The following ATG5 variants were observed in gnomAD, a reference collection of about 807,000 sequenced individuals.
ATG5 encodes autophagy protein 5.
In ATG5, 14 loss-of-function variants were observed where a neutral mutation model predicts 36.5. The ratio of observed to expected loss-of-function variants is 0.38; its 90% confidence interval spans 0.25 to 0.60. The LOEUF (loss-of-function observed/expected upper bound fraction) is 0.60. Ranked by LOEUF, ATG5 falls within the 20% of genes least tolerant of loss-of-function variation. ATG5 has a pLI of 0.60. For synonymous variants in ATG5, 95 were observed against 101.5 expected (o/e 0.94, Z 0.38); for missense variants, 195 against 326.7 (o/e 0.60, Z 3.11).
intron 6 of ATG5, among the ~76,000 whole-genome samples, chr6:106,242,292 T>C (rs1002866844): frequency 3.3e-5 from 5 of 152,084 alleles, no homozygotes; most frequent in Non-Finnish European, 5.9e-5. Context: ...AAAAAGGACA[T>C]TCTGACACAT....
chr6:106,283,898 A>G (rs1014570590), intron 4 of ATG5, among the ~76,000 whole-genome samples: 1 of 152,240 alleles, frequency 6.6e-6, no homozygotes, highest in African/African-American at 2.4e-5. Context: ...TTATTGGCAC[A>G]AAGTTATTTA....
At chr6:106,322,798 A>T (rs1295742729) in intron 1 of ATG5, among the ~76,000 whole-genome samples, 1 of 152,218 alleles carries the variant, frequency 6.6e-6, no homozygotes, top group Non-Finnish European at 1.5e-5. Flanking sequence ...TCTTCTGTCC[A>T]GACTTCTCTT....
rs1394101119 is a variant in ATG5 at position 106,246,399 on chromosome 6, C to T, written c.573+1751G>A. ...TCTCTCTCTCTCTCTCTCTCACACA[C>T]ACACACACACACACACACACACACA... On this transcript the variant is annotated intron_variant, in intron 6 of 7. Coordinates refer to ENST00000369076, the MANE Select transcript of ATG5 (RefSeq NM_004849.4). Among the ~76,000 whole-genome samples the T allele has an allele frequency of 4.2e-5, 4 of 94,260 alleles. No individual in the cohort carries two copies. The East Asian group carries it at 1.3e-3, about 29-fold the overall frequency. The allele number at this position is 94,260 out of a possible 152,430, so 61.8% of individuals were successfully genotyped here. A position where few individuals can be genotyped will look rare whatever the true frequency, so the allele number is the denominator to read the frequency against.
At chr6:106,215,773 A>G (rs1777013443) in intron 6 of ATG5, among the ~76,000 whole-genome samples, 1 of 152,196 alleles carries the variant, frequency 6.6e-6, no homozygotes, top group South Asian at 2.1e-4. Flanking sequence ...GGACTTCATC[A>G]AAGTTAAAAA....
At chr6:106,248,120 A>C (rs945265694) in intron 6 of ATG5, 30 bp downstream of exon 6, 22 of 1,509,076 alleles carry the variant, frequency 1.5e-5, no homozygotes, top group Non-Finnish European at 2.0e-5. Flanking sequence ...GCTTTCATAA[A>C]TGGATGTTTT....
intron 1 of ATG5, among the ~76,000 whole-genome samples, chr6:106,324,974 A>G (rs1412927165): frequency 1.3e-5 from 2 of 152,190 alleles, no homozygotes; most frequent in Non-Finnish European, 2.9e-5. Context: ...CTCACCCCTC[A>G]GAAAAATCTA....
chr6:106,277,918 C>G (rs2114597032), intron 5 of ATG5, among the ~76,000 whole-genome samples: 1 of 152,250 alleles, frequency 6.6e-6, no homozygotes, highest in South Asian at 2.1e-4. Flanking sequence ...ATTAGAAACA[C>G]TGAGAACTGT....
chr6:106,312,824 T>C (rs970062666), intron 2 of ATG5, among the ~76,000 whole-genome samples: 5 of 152,100 alleles, frequency 3.3e-5, no homozygotes, highest in Non-Finnish European at 7.4e-5. Context: ...AAAATACCAT[T>C]AGTGACTTTG....
intron 3 of ATG5, among the ~76,000 whole-genome samples, chr6:106,304,944 T>G (rs1056939150): frequency 6.6e-6 from 1 of 152,004 alleles, no homozygotes; most frequent in African/African-American, 2.4e-5. Context: ...ATACAAAAAT[T>G]AGCTGGCGTG....
intron 2 of ATG5, among the ~76,000 whole-genome samples, chr6:106,315,191 T>A (rs1449014139): frequency 6.6e-6 from 1 of 152,208 alleles, no homozygotes; most frequent in African/African-American, 2.4e-5. Flanking sequence ...CAGCACTGCC[T>A]CTCAGAGAGA....
intron 3 of ATG5, among the ~76,000 whole-genome samples, chr6:106,304,590 C>T (rs1044499272): frequency 6.6e-6 from 1 of 152,130 alleles, no homozygotes. Flanking sequence ...CTACATACTA[C>T]ATGAGCCCAT....
At chr6:106,276,997 A>G (rs1347263035) in intron 5 of ATG5, among the ~76,000 whole-genome samples, 8 of 152,198 alleles carry the variant, frequency 5.3e-5, no homozygotes, top group Non-Finnish European at 7.3e-5. Context: ...AGATGTATAA[A>G]TATGAAACTA....
chr6:106,231,366 T>G (rs1319899915), intron 6 of ATG5, among the ~76,000 whole-genome samples: 1 of 152,096 alleles, frequency 6.6e-6, no homozygotes, highest in Non-Finnish European at 1.5e-5. Flanking sequence ...ATCTCTGGTA[T>G]CTCAGTCAGG....
chr6:106,203,109 T>C (rs1776500527), intron 6 of ATG5, among the ~76,000 whole-genome samples: 4 of 152,242 alleles, frequency 2.6e-5, no homozygotes, highest in South Asian at 2.1e-4. Context: ...ATGATTTTAG[T>C]AGTTTCATTA....
chr6:106,193,675 T>C (rs1776060058), intron 7 of ATG5, among the ~76,000 whole-genome samples: 1 of 152,212 alleles, frequency 6.6e-6, no homozygotes, highest in Admixed American at 6.5e-5. Context: ...AACAATATTA[T>C]TTTATCTGCT....
At chr6:106,308,967 T>C (rs1185282138) in intron 2 of ATG5, among the ~76,000 whole-genome samples, 1 of 152,100 alleles carries the variant, frequency 6.6e-6, no homozygotes, top group African/African-American at 2.4e-5. Flanking sequence ...AATGCTGAGC[T>C]AGGTAAAGCC....
chr6:106,321,580 G>C (rs1028527572), intron 1 of ATG5, among the ~76,000 whole-genome samples: 2 of 151,830 alleles, frequency 1.3e-5, no homozygotes, highest in Admixed American at 1.3e-4. Context: ...GGATGGTCTC[G>C]ATCTCCTGAC....
intron 5 of ATG5, among the ~76,000 whole-genome samples, chr6:106,271,482 C>T (rs181308122): frequency 6.6e-6 from 1 of 152,286 alleles, no homozygotes; most frequent in Admixed American, 6.5e-5. Flanking sequence ...CCTCATCAGA[C>T]ACTGAATTGC....
chr6:106,248,340 G>GC, intron 5 of ATG5, 96 bp from the exon 6 acceptor site: 4 of 745,214 alleles, frequency 5.4e-6, no homozygotes, highest in Admixed American at 2.5e-5. Flanking sequence ...CCCTCTAGAA[G>GC]TTTCTGAAAG....
Sources: gnomAD v4.1 joint callset for allele counts (sites outside exome capture counted in the v4.1 genomes callset) on GRCh38, gnomAD v4.1.1 for gene constraint, MANE v1.5 for transcripts, NCBI Gene and HGNC (gene_info 2026-07-23, HGNC 2026-07-21) for gene names.